The following ERBB4 variants were observed in gnomAD, a reference collection of about 807,000 sequenced individuals.
ERBB4 encodes erb-b2 receptor tyrosine kinase 4, also known as receptor tyrosine-protein kinase erbB-4.
ERBB4 carries 42 observed loss-of-function variants against 158.0 expected under a neutral mutation model. The observed-to-expected ratio is 0.27, with a 90% CI of 0.21 to 0.34. The LOEUF is 0.34. Ranked by LOEUF, ERBB4 falls within the 10% of genes least tolerant of loss-of-function variation. The probability of loss-of-function intolerance (pLI) is 1.00; values close to 1 mark genes in which losing one functional copy is unlikely to be tolerated. For missense variants in ERBB4, 1,333 were observed against 1,624.1 expected (o/e 0.82, Z 3.08); for synonymous variants, 583 against 558.7 (o/e 1.04, Z -0.61).
chr2:212,425,534 TC>T (rs993074550), intron 1 of ERBB4, among the ~76,000 whole-genome samples: 2 of 151,406 alleles, frequency 1.3e-5, no homozygotes, highest in African/African-American at 4.8e-5. Context: ...TCAAAAAGTC[TC>T]CTCAAAATAA....
chr2:211,765,377 A>G (rs899061335), intron 4 of ERBB4, among the ~76,000 whole-genome samples: 1 of 152,136 alleles, frequency 6.6e-6, no homozygotes, highest in African/African-American at 2.4e-5. Flanking sequence ...AAGAAAAGTG[A>G]TGTCTAATTT....
At position 211,837,816 on chromosome 2, in the gene ERBB4, C is replaced by G. The variant is rs1280009684; in HGVS notation, c.422-49657G>C. ...TTTTCTGTGGATAATATATTATGTTCCAGGTATTATACAGGGTAGCAAATA... is the reference window on the plus strand; with the variant it reads ...TTTTCTGTGGATAATATATTATGTTGCAGGTATTATACAGGGTAGCAAATA... On this transcript the variant is annotated intron_variant, in intron 3 of 27. Coordinates refer to ENST00000342788, the MANE Select transcript of ERBB4 (RefSeq NM_005235.3). Among the ~76,000 whole-genome samples the G allele has an allele frequency of 5.3e-5, 8 of 152,096 alleles. No homozygotes were observed. In the East Asian group the frequency reaches 1.5e-3, roughly 29 times the overall value.
chr2:212,238,316 T>C (rs981499776), intron 1 of ERBB4, among the ~76,000 whole-genome samples: 2 of 152,176 alleles, frequency 1.3e-5, no homozygotes, highest in African/African-American at 2.4e-5. Flanking sequence ...ATGATTTTCC[T>C]TGGCTAGGGG....
chr2:212,272,160 A>G (rs1257896629), intron 1 of ERBB4, among the ~76,000 whole-genome samples: 1 of 151,728 alleles, frequency 6.6e-6, no homozygotes, highest in African/African-American at 2.4e-5. Flanking sequence ...AAATATAAAC[A>G]TATATATTTA....
In ERBB4 at chr2:211,379,043, TAATA is replaced by T. The variant is rs1288015206; in HGVS notation, c.*4568_*4571del. Reference sequence around the variant, plus strand: ...ATTTGCCCTATAACAATCATCATTCTAATAACTAAAGTCCAAAAGAATGGCAATG... The same window carrying T: ...ATTTGCCCTATAACAATCATCATTCTACTAAAGTCCAAAAGAATGGCAATG... On this transcript the variant is annotated 3_prime_UTR_variant, in exon 28 of 28. Transcript: ENST00000342788. The T allele has an allele frequency of 8.6e-6, 2 of 231,618 alleles. No individual in the cohort carries two copies. Among genetic ancestry groups the T allele is most frequent in the Non-Finnish European group, 1.7e-5 (2 of 117,116 alleles). 14.3% of individuals were successfully genotyped at this position (231,618 alleles called of 1,614,324 possible).
Position 211,722,505 on chromosome 2 carries a change from T to C in ERBB4, c.771A>G (p.Ala257=), listed in dbSNP as rs571703069. 6.2e-7 allele frequency: 1 copy of C among 1,614,114 alleles called. No individual in the cohort carries two copies. Among genetic ancestry groups the C allele is most frequent in the Non-Finnish European group, 8.5e-7 (1 of 1,179,962 alleles). The change falls in exon 7 of 28, where the codon GCA becomes GCG. Residue 257 remains alanine (A), a synonymous_variant. Coordinates refer to ENST00000342788, the MANE Select transcript of ERBB4 (RefSeq NM_005235.3). ...AGGTTTGGGGACACTGAGTAACACA[T>C]GCTCCACTGTCATTGAAATTCATGC... The part of the protein sequence containing the change: ...FACMNFNDSG[A]CVTQCPQTFV...
At chr2:211,674,165 T>C (rs1050851622) in intron 13 of ERBB4, among the ~76,000 whole-genome samples, 1 of 152,092 alleles carries the variant, frequency 6.6e-6, no homozygotes, top group African/African-American at 2.4e-5. Flanking sequence ...GTACAGACAA[T>C]TTAAAATGCC....
chr2:212,335,302 C>A (rs1387375144), intron 1 of ERBB4, among the ~76,000 whole-genome samples: 1 of 151,774 alleles, frequency 6.6e-6, no homozygotes, highest in African/African-American at 2.4e-5. Context: ...CTTAACAATA[C>A]AAAATTGATA....
intron 1 of ERBB4, among the ~76,000 whole-genome samples, chr2:212,266,376 G>A (rs1319400825): frequency 1.3e-5 from 2 of 151,976 alleles, no homozygotes; most frequent in South Asian, 2.1e-4. Context: ...AGGAAAGTCT[G>A]CATCAAAAAT....
chr2:211,477,094 C>T (rs1415634615), intron 20 of ERBB4, among the ~76,000 whole-genome samples: 1 of 152,014 alleles, frequency 6.6e-6, no homozygotes, highest in Non-Finnish European at 1.5e-5. Context: ...GCAGATTACC[C>T]TCCCTGATAT....
At chr2:211,678,100 T>A (rs1412566371) in intron 13 of ERBB4, among the ~76,000 whole-genome samples, 6 of 151,994 alleles carry the variant, frequency 3.9e-5, no homozygotes, top group Admixed American at 6.6e-5. Flanking sequence ...AATGTTATTA[T>A]TGAAATACCA....
rs112686193 is a variant in ERBB4 at position 212,158,651 on chromosome 2, T to A, written c.83-33748A>T. Among the ~76,000 whole-genome samples the A allele has an allele frequency of 6.6e-3, 1,005 of 152,060 alleles. 7 individuals are homozygous for A. The highest frequency in any genetic ancestry group is 0.024 in the Middle Eastern group (7 of 294). On this transcript the variant is annotated intron_variant, in intron 1 of 27. Transcript: ENST00000342788. ...CTCTCTGGGCCACTCACATCCCCAATAAATAAACAGTGTATTCTCTAAGGA... is the reference window on the plus strand; with the variant it reads ...CTCTCTGGGCCACTCACATCCCCAAAAAATAAACAGTGTATTCTCTAAGGA...
chr2:212,463,846 T>C (rs2106083619), intron 1 of ERBB4, among the ~76,000 whole-genome samples: 1 of 152,234 alleles, frequency 6.6e-6, no homozygotes, highest in South Asian at 2.1e-4. Context: ...GGAAAGACAT[T>C]GAGAAACTTT....
intron 1 of ERBB4, among the ~76,000 whole-genome samples, chr2:212,410,768 A>G: frequency 6.6e-6 from 1 of 152,094 alleles, no homozygotes; most frequent in Non-Finnish European, 1.5e-5. Context: ...AAGATTATTT[A>G]AAATGCTGGT....
intron 1 of ERBB4, among the ~76,000 whole-genome samples, chr2:212,195,823 A>C (rs192360828): frequency 2.1e-3 from 317 of 152,288 alleles, no homozygotes; most frequent in Non-Finnish European, 3.0e-3. Context: ...GACCAGAACC[A>C]AGGGAATACA....
At chr2:211,592,210 C>T (rs1235530011) in intron 19 of ERBB4, among the ~76,000 whole-genome samples, 2 of 152,134 alleles carry the variant, frequency 1.3e-5, no homozygotes, top group East Asian at 1.9e-4. Flanking sequence ...CGTTATCAAT[C>T]GGATGAATTC....
At chr2:212,418,888 C>G (rs1425422863) in intron 1 of ERBB4, among the ~76,000 whole-genome samples, 2 of 151,800 alleles carry the variant, frequency 1.3e-5, no homozygotes, top group Non-Finnish European at 3.0e-5. Flanking sequence ...ATCCCATTGA[C>G]ATGGTCCTAC....
Position 211,376,461 on chromosome 2 carries a change from C to T in ERBB4, c.*7154G>A, listed in dbSNP as rs951296114. On this transcript the variant is annotated 3_prime_UTR_variant, in exon 28 of 28. Transcript: ENST00000342788. ...TTTTTGTTTGTTTATTTCAAAAAGG[C>T]AGCTAACTTTGAATGCAGGGATTTA... 9.9e-5 allele frequency: 23 copies of T among 232,644 alleles called. No individual in the cohort carries two copies. Among genetic ancestry groups the T allele is most frequent in the African/African-American group, 4.9e-4 (22 of 45,278 alleles). The allele number at this position is 232,644 out of a possible 1,614,324, so 14.4% of individuals were successfully genotyped here.
At chr2:211,719,396 C>T (rs1408527035) in intron 7 of ERBB4, among the ~76,000 whole-genome samples, 3 of 151,894 alleles carry the variant, frequency 2.0e-5, no homozygotes, top group Admixed American at 1.3e-4. Flanking sequence ...ACCTTTTTCC[C>T]GAACACAGTC....
Sources: gnomAD v4.1 joint callset for allele counts (sites outside exome capture counted in the v4.1 genomes callset) on GRCh38, gnomAD v4.1.1 for gene constraint, MANE v1.5 for transcripts, NCBI Gene and HGNC (gene_info 2026-07-23, HGNC 2026-07-21) for gene names.